Variants in RNLS observed in about 807,000 individuals in gnomAD.
The protein encoded by RNLS is renalase, FAD dependent amine oxidase.
Under a neutral mutation model 39.8 loss-of-function variants are expected in RNLS, and 39 were observed. That is an observed-to-expected ratio of 0.98 (90% CI 0.76 to 1.28). The LOEUF (loss-of-function observed/expected upper bound fraction) is 1.28, where lower values mean the gene tolerates loss of function less well. RNLS is among the 50% of genes most tolerant of loss of function. RNLS has a pLI of 0.00. For synonymous variants in RNLS, 147 were observed against 150.7 expected (o/e 0.98, Z 0.18); for missense variants, 410 against 413.3 (o/e 0.99, Z 0.07).
chr10:88,270,049 C>G (rs954350093), downstream of RNLS, among the ~76,000 whole-genome samples: 1 of 152,110 alleles, frequency 6.6e-6, no homozygotes, highest in Non-Finnish European at 1.5e-5. Context: ...CTAACCAAAC[C>G]CTTCATATTT....
chr10:88,572,740 G>T (rs1440971932), intron 4 of RNLS, among the ~76,000 whole-genome samples, 163 bp downstream of exon 4: 1 of 152,164 alleles, frequency 6.6e-6, no homozygotes, highest in Non-Finnish European at 1.5e-5. Flanking sequence ...TTTCACCTTG[G>T]CCTAGATTAA....
intron 6 of RNLS, among the ~76,000 whole-genome samples, chr10:88,310,373 A>G (rs1406631772): frequency 2.0e-5 from 3 of 152,158 alleles, no homozygotes; most frequent in African/African-American, 7.2e-5. Context: ...CATGGAAGGA[A>G]TTTAGGTTGC....
intron 6 of RNLS, among the ~76,000 whole-genome samples, chr10:88,276,427 T>C (rs1842818121): frequency 6.6e-6 from 1 of 152,196 alleles, no homozygotes. Flanking sequence ...TATTTGTTTA[T>C]ATTTATCCCT....
the RNLS span, among the ~76,000 whole-genome samples, chr10:88,229,848 T>C: frequency 6.6e-6 from 1 of 152,226 alleles, no homozygotes; most frequent in Non-Finnish European, 1.5e-5. Context: ...CAGTACCTTA[T>C]TCTTTTTTAT....
At chr10:88,392,250 C>T (rs969267357) in intron 4 of RNLS, among the ~76,000 whole-genome samples, 2 of 152,190 alleles carry the variant, frequency 1.3e-5, no homozygotes, top group Non-Finnish European at 2.9e-5. Context: ...TGGAAAGATA[C>T]GTCCACAGGA....
chr10:88,254,273 CCTATGACT>C, the RNLS span, among the ~76,000 whole-genome samples: 1 of 152,216 alleles, frequency 6.6e-6, no homozygotes. Flanking sequence ...CCTGCCTCTA[CCTATGACT>C]AACTCCTGCC....
chr10:88,295,464 A>G (rs568209368), intron 6 of RNLS, among the ~76,000 whole-genome samples: 3 of 152,000 alleles, frequency 2.0e-5, no homozygotes, highest in Non-Finnish European at 4.4e-5. Context: ...CTCTGTTCTC[A>G]TCTCTCCAGT....
intron 6 of RNLS, among the ~76,000 whole-genome samples, chr10:88,310,773 G>A (rs1359843724): frequency 7.9e-6 from 1 of 127,212 alleles, no homozygotes; most frequent in Non-Finnish European, 1.6e-5. Context: ...ACTCCAGCCT[G>A]GGTGACAGAT....
chr10:88,447,361 C>T (rs1419574050), intron 4 of RNLS, among the ~76,000 whole-genome samples: 1 of 77,762 alleles, frequency 1.3e-5, no homozygotes, highest in Non-Finnish European at 2.3e-5. Context: ...CATTCTTATA[C>T]ACCAATAACA....
intron 4 of RNLS, among the ~76,000 whole-genome samples, chr10:88,365,289 T>TA (rs1462943191): frequency 6.6e-6 from 1 of 151,826 alleles, no homozygotes; most frequent in Non-Finnish European, 1.5e-5. Flanking sequence ...GGCAAGATCT[T>TA]AAAAAAAAGT....
At chr10:88,533,454 T>A (rs1370428427) in intron 4 of RNLS, among the ~76,000 whole-genome samples, 1 of 152,168 alleles carries the variant, frequency 6.6e-6, no homozygotes, top group Non-Finnish European at 1.5e-5. Flanking sequence ...AGAAATACTT[T>A]GATTTGACCT....
intron 4 of RNLS, among the ~76,000 whole-genome samples, chr10:88,414,391 A>G (rs927679777): frequency 6.6e-6 from 1 of 152,150 alleles, no homozygotes; most frequent in Non-Finnish European, 1.5e-5. Context: ...TTTTCTTTAC[A>G]ACTGCTCACA....
chr10:88,335,585 C>G lies in RNLS; in HGVS notation c.701-20944G>C, dbSNP rs529888434. Among the ~76,000 whole-genome samples, 29 of 152,270 alleles carry G rather than the reference C, an allele frequency of 1.9e-4. No homozygotes were observed. The South Asian group carries it at 2.1e-3, about 11-fold the overall frequency. ...AATGTAGGCCAAAAATTTTATAATC[C>G]TCACTTAATGGTGGCTAAGAGCTGC... On this transcript the variant is annotated intron_variant, in intron 5 of 6. Transcript: ENST00000331772.
intron 4 of RNLS, among the ~76,000 whole-genome samples, chr10:88,484,971 C>T (rs1409445598): frequency 1.3e-5 from 2 of 151,834 alleles, no homozygotes; most frequent in Non-Finnish European, 2.9e-5. Context: ...TCAGAATTAT[C>T]CTTAAGCATC....
intron 4 of RNLS, among the ~76,000 whole-genome samples, chr10:88,528,715 T>C (rs984089589): frequency 2.6e-5 from 4 of 152,056 alleles, no homozygotes; most frequent in African/African-American, 4.8e-5. Context: ...TAGCTGGGCA[T>C]GGTGGCACAT....
the RNLS span, among the ~76,000 whole-genome samples, chr10:88,216,670 T>G: frequency 6.6e-6 from 1 of 152,178 alleles, no homozygotes; most frequent in Non-Finnish European, 1.5e-5. Flanking sequence ...AGCACAGAAG[T>G]GGCTCAACCC....
At chr10:88,190,439 G>A in the RNLS span, among the ~76,000 whole-genome samples, 10 of 152,306 alleles carry the variant, frequency 6.6e-5, no homozygotes, top group East Asian at 9.6e-4. Context: ...TAAAGGGAAG[G>A]CCTATGTGAA....
At chr10:88,502,805 GA>G (rs1229456817) in intron 4 of RNLS, among the ~76,000 whole-genome samples, 1 of 152,050 alleles carries the variant, frequency 6.6e-6, no homozygotes, top group Non-Finnish European at 1.5e-5. Flanking sequence ...ATAGTTCTCA[GA>G]AGAATAACAA....
At chr10:88,412,293 C>T (rs1408061655) in intron 4 of RNLS, among the ~76,000 whole-genome samples, 1 of 152,068 alleles carries the variant, frequency 6.6e-6, no homozygotes, top group African/African-American at 2.4e-5. Context: ...AGGTACCAGG[C>T]TTTAACTTCA....
Sources: gnomAD v4.1 joint callset for allele counts (sites outside exome capture counted in the v4.1 genomes callset) on GRCh38, gnomAD v4.1.1 for gene constraint, MANE v1.5 for transcripts, NCBI Gene and HGNC (gene_info 2026-07-23, HGNC 2026-07-21) for gene names.